Variants in LAMA1 observed in about 807,000 individuals in gnomAD.
LAMA1 encodes the protein laminin subunit alpha 1.
LAMA1 carries 219 observed loss-of-function variants against 348.7 expected under a neutral mutation model. That is an observed-to-expected ratio of 0.63 (90% CI 0.56 to 0.70). The LOEUF is 0.70. LAMA1 is among the 30% of genes least tolerant of loss of function. LAMA1 has a pLI of 0.00. For synonymous variants in LAMA1, 1,487 were observed against 1,491.0 expected (o/e 1.00, Z 0.06); for missense variants, 3,744 against 3,888.0 (o/e 0.96, Z 0.99).
rs572566990 is a variant in LAMA1, at chr18:7,052,688, T to C, written c.346-1752A>G. On this transcript the variant is annotated intron_variant, in intron 3 of 62. Coordinates refer to ENST00000389658, the MANE Select transcript of LAMA1 (RefSeq NM_005559.4). Reference sequence around the variant, plus strand: ...GTTGCAGTGAGCTGAGACTGAACCATTGCACTCCAGCCTGGGCAACAAGAG... The same window carrying C: ...GTTGCAGTGAGCTGAGACTGAACCACTGCACTCCAGCCTGGGCAACAAGAG... Among the ~76,000 whole-genome samples, 11 of 149,812 alleles carry C rather than the reference T, an allele frequency of 7.3e-5. No individual in the cohort carries two copies. The South Asian group carries it at 2.3e-3, about 32-fold the overall frequency.
intron 57 of LAMA1, among the ~76,000 whole-genome samples, chr18:6,951,634 G>T (rs900694961): frequency 7.0e-6 from 1 of 142,548 alleles, no homozygotes; most frequent in Admixed American, 7.3e-5. Context: ...GAGATCCTCT[G>T]TCTAAACTGA....
rs111278688 is a variant in LAMA1, at chr18:6,999,713, C to T, written c.4470-75G>A. 1.8e-3 allele frequency: 2,342 copies of T among 1,334,396 alleles called. 20 individuals are homozygous for T. In the African/African-American group the frequency reaches 0.023, roughly 13 times the overall value. The allele number at this position is 1,334,396 out of a possible 1,614,324, so 82.7% of individuals were successfully genotyped here. ...TCTAACTTGCGACAGTAATCATTTC[C>T]GCCAAATGAAATGCAAAGCACAGAT... On this transcript the variant is annotated intron_variant, in intron 31 of 62. Coordinates refer to ENST00000389658, the MANE Select transcript of LAMA1 (RefSeq NM_005559.4).
At position 7,077,346 on chromosome 18, in the gene LAMA1, T is replaced by C. The variant is rs770137930; in HGVS notation, c.345+2629A>G. 9.2e-5 allele frequency among the ~76,000 whole-genome samples: 14 copies of C among 151,860 alleles called. 1 individual carries two copies. In the South Asian group the frequency reaches 2.3e-3, roughly 25 times the overall value. ...CCTCCCGAGTAGCTGGGACTACAGGTGCCCACCACCACGCCTGGCTCATTT... is the reference window on the plus strand; with the variant it reads ...CCTCCCGAGTAGCTGGGACTACAGGCGCCCACCACCACGCCTGGCTCATTT... On this transcript the variant is annotated intron_variant, in intron 3 of 62. Coordinates refer to ENST00000389658, the MANE Select transcript of LAMA1 (RefSeq NM_005559.4).
chr18:6,949,146 G>A lies in LAMA1; in HGVS notation c.8511C>T (p.Tyr2837=). The change falls in exon 59 of 63, where the codon TAC becomes TAT. Residue 2837 remains tyrosine (Y), a synonymous_variant. Transcript: ENST00000389658. The stretch of plus-strand genomic sequence containing the variant: ...GGTACTGGGAGGGCAGGCCTCCTAG[G>A]TAGAACAAACCCTCCACATCCAGCA... ...GTMLDVEGLF[Y]LGGLPSQYQA... is the part of the protein sequence containing the mutation. The A allele has an allele frequency of 6.2e-7, 1 of 1,614,118 alleles. No homozygotes were observed. Among genetic ancestry groups the A allele is most frequent in the East Asian group, 2.2e-5 (1 of 44,882 alleles).
At chr18:7,072,383 A>C (rs1290730225) in intron 3 of LAMA1, among the ~76,000 whole-genome samples, 1 of 152,150 alleles carries the variant, frequency 6.6e-6, no homozygotes, top group African/African-American at 2.4e-5. Flanking sequence ...CACTTTGTAT[A>C]TATCACCCTA....
intron 16 of LAMA1, 125 bp from the exon 17 acceptor site, chr18:7,026,231 T>C (rs1382797021): frequency 2.7e-6 from 3 of 1,101,822 alleles, no homozygotes; most frequent in Non-Finnish European, 4.0e-6. Context: ...CACCAACCTC[T>C]GAGCTATATG....
At chr18:7,051,311 A>G (rs1188504257) in intron 3 of LAMA1, among the ~76,000 whole-genome samples, 2 of 152,218 alleles carry the variant, frequency 1.3e-5, no homozygotes, top group Non-Finnish European at 1.5e-5. Flanking sequence ...TTCACATTGC[A>G]TATGTATATC....
chr18:7,114,194 G>C (rs1350412598), intron 1 of LAMA1, among the ~76,000 whole-genome samples: 1 of 152,096 alleles, frequency 6.6e-6, no homozygotes, highest in African/African-American at 2.4e-5. Context: ...TGTCCAGGAT[G>C]ATGAGCAAGT....
chr18:6,957,981 T>C (rs1486509594), intron 55 of LAMA1, among the ~76,000 whole-genome samples: 1 of 152,046 alleles, frequency 6.6e-6, no homozygotes, highest in Non-Finnish European at 1.5e-5. Flanking sequence ...GGGGTTTCAC[T>C]ATGTTGGCCA....
chr18:7,088,742 G>A (rs780579916), intron 1 of LAMA1, among the ~76,000 whole-genome samples: 6 of 151,946 alleles, frequency 3.9e-5, no homozygotes, highest in Non-Finnish European at 7.4e-5. Flanking sequence ...CAGGCTGGTC[G>A]GACTCCTGGC....
chr18:7,026,018 C>T lies in LAMA1; in HGVS notation c.2363G>A (p.Cys788Tyr). Residue 788 changes from cysteine (C) to tyrosine (Y), a missense_variant, in exon 17 of 63, where the codon TGC (cysteine) becomes TAC (tyrosine). Coordinates refer to ENST00000389658, the MANE Select transcript of LAMA1 (RefSeq NM_005559.4). ...GEPSRGTPGD[C>Y]QPCACPLTIA... Reference sequence around the variant, plus strand: ...GGTGAGAGGGCAGGCGCAGGGCTGGCAGTCCCCAGGTGTCCCTCGGGAAGG... The same window carrying T: ...GGTGAGAGGGCAGGCGCAGGGCTGGTAGTCCCCAGGTGTCCCTCGGGAAGG... The T allele has an allele frequency of 1.2e-6, 2 of 1,609,452 alleles. No individual in the cohort carries two copies. Among genetic ancestry groups the T allele is most frequent in the Admixed American group, 1.7e-5 (1 of 59,452 alleles).
At chr18:7,060,139 G>T (rs554471632) in intron 3 of LAMA1, among the ~76,000 whole-genome samples, 39 of 152,316 alleles carry the variant, frequency 2.6e-4, no homozygotes, top group Admixed American at 5.9e-4. Context: ...AGATGCTAGG[G>T]AGCTGAGAGG....
At chr18:7,048,952 C>T in intron 5 of LAMA1, 126 bp downstream of exon 5, 2 of 905,572 alleles carry the variant, frequency 2.2e-6, no homozygotes, top group East Asian at 2.6e-5. Flanking sequence ...GATACAGCTG[C>T]TGGCAAGAAA....
chr18:7,060,606 T>G lies in LAMA1; in HGVS notation c.346-9670A>C, dbSNP rs544565887. On this transcript the variant is annotated intron_variant, in intron 3 of 62. Transcript: ENST00000389658. ...CATGCTGAGATACTTAAAGTGGACA[T>G]TGAAGAAAAGCCAAAGTAAGAGAGA... 2.0e-5 allele frequency among the ~76,000 whole-genome samples: 3 copies of G among 152,184 alleles called. No individual in the cohort carries two copies. The East Asian group carries it at 5.8e-4, about 29-fold the overall frequency.
At chr18:6,957,867 G>A (rs1291110294) in intron 55 of LAMA1, among the ~76,000 whole-genome samples, 2 of 151,726 alleles carry the variant, frequency 1.3e-5, no homozygotes, top group Admixed American at 6.6e-5. Context: ...CTGCACCTCC[G>A]CCTCCCGGGT....
At position 6,948,464 on chromosome 18, in the gene LAMA1, G is replaced by A; in HGVS notation, c.8649C>T (p.Asn2883=). 1 of 1,614,146 alleles carries A rather than the reference G, an allele frequency of 6.2e-7. No homozygotes were observed. The highest frequency in any genetic ancestry group is 8.5e-7 in the Non-Finnish European group (1 of 1,180,036). The change falls in exon 60 of 63, where the codon AAC becomes AAT. Residue 2883 remains asparagine (N), a synonymous_variant. Transcript: ENST00000389658. Reference sequence around the variant, plus strand: ...CTTCCTGGGCCACTGCGTAGCACCTGTTCACCGTGAAGGCAGACACCGGGC... The same window carrying A: ...CTTCCTGGGCCACTGCGTAGCACCTATTCACCGTGAAGGCAGACACCGGGC... ...KDSPVSAFTV[N]RCYAVAQEGT...
chr18:7,022,142 G>A (rs965874517), intron 19 of LAMA1, among the ~76,000 whole-genome samples: 8 of 152,022 alleles, frequency 5.3e-5, no homozygotes, highest in Non-Finnish European at 1.0e-4. Flanking sequence ...CCATCATCAT[G>A]TGTAGCTTCC....
chr18:7,081,106 A>T (rs1034838536), intron 1 of LAMA1, among the ~76,000 whole-genome samples: 7 of 152,108 alleles, frequency 4.6e-5, no homozygotes, highest in Non-Finnish European at 7.4e-5. Flanking sequence ...GCCGCTGTGG[A>T]GATTGTGCCA....
At chr18:7,002,935 C>T (rs1012888417) in intron 29 of LAMA1, among the ~76,000 whole-genome samples, 4 of 151,540 alleles carry the variant, frequency 2.6e-5, no homozygotes, top group African/African-American at 7.3e-5. Flanking sequence ...GGCTAGAGTG[C>T]AGTGGTGCAA....
Sources: gnomAD v4.1 joint callset for allele counts (sites outside exome capture counted in the v4.1 genomes callset) on GRCh38, gnomAD v4.1.1 for gene constraint, MANE v1.5 for transcripts, NCBI Gene and HGNC (gene_info 2026-07-23, HGNC 2026-07-21) for gene names.